CNNM4: variants seen among roughly 807,000 people sequenced by gnomAD.
CNNM4 encodes cyclin and CBS domain divalent metal cation transport mediator 4.
In CNNM4, 32 loss-of-function variants were observed where a neutral mutation model predicts 53.7. The observed-to-expected ratio is 0.60, with a 90% CI of 0.45 to 0.80. CNNM4 has a LOEUF of 0.80. Among genes scored for constraint, CNNM4 ranks in the 30% least tolerant of loss-of-function variants. The probability of loss-of-function intolerance (pLI) is 0.00; values close to 1 mark genes in which losing one functional copy is unlikely to be tolerated. For missense variants in CNNM4, 784 were observed against 1,022.0 expected, an observed-to-expected ratio of 0.77 and a Z score of 3.17; for synonymous variants, 410 against 440.0, an observed-to-expected ratio of 0.93 and a Z score of 0.85.
chr2:96,762,643 T>A (rs949334246), intron 1 of CNNM4, among the ~76,000 whole-genome samples: 6 of 152,050 alleles, frequency 3.9e-5, no homozygotes, highest in African/African-American at 1.4e-4. Context: ...ACATACTCGC[T>A]CCCTTGGAGG....
intron 1 of CNNM4, among the ~76,000 whole-genome samples, chr2:96,789,802 C>T (rs1375637821): frequency 6.6e-6 from 1 of 151,088 alleles, no homozygotes; most frequent in Non-Finnish European, 1.5e-5. Flanking sequence ...AAGTGATTCT[C>T]CTGCCTCAGC....
At chr2:96,770,280 C>A (rs2078857148) in intron 1 of CNNM4, among the ~76,000 whole-genome samples, 1 of 152,200 alleles carries the variant, frequency 6.6e-6, no homozygotes, top group African/African-American at 2.4e-5. Flanking sequence ...AATCCCGCTC[C>A]AGTGTTTTTC....
At chr2:96,765,797 C>CTT (rs749321221) in intron 1 of CNNM4, among the ~76,000 whole-genome samples, 5 of 125,384 alleles carry the variant, frequency 4.0e-5, no homozygotes, top group Non-Finnish European at 6.7e-5. Flanking sequence ...TTCTTTCTTT[C>CTT]TTTTTTTTTT....
chr2:96,766,596 G>A (rs540622581), intron 1 of CNNM4, among the ~76,000 whole-genome samples: 45 of 152,136 alleles, frequency 3.0e-4, no homozygotes, highest in African/African-American at 8.9e-4. Flanking sequence ...TTCTCTTCTC[G>A]TAGCACACAT....
intron 1 of CNNM4, among the ~76,000 whole-genome samples, chr2:96,765,796 T>C (rs1574050919): frequency 6.7e-6 from 1 of 150,372 alleles, no homozygotes; most frequent in African/African-American, 2.5e-5. Flanking sequence ...TTTCTTTCTT[T>C]CTTTTTTTTT....
chr2:96,771,249 C>T (rs1349562942), intron 1 of CNNM4, among the ~76,000 whole-genome samples: 1 of 151,814 alleles, frequency 6.6e-6, no homozygotes, highest in Non-Finnish European at 1.5e-5. Flanking sequence ...AGGCTAGAGC[C>T]TGGACTCCTT....
chr2:96,765,403 G>C (rs995107290), intron 1 of CNNM4, among the ~76,000 whole-genome samples: 1 of 151,856 alleles, frequency 6.6e-6, no homozygotes, highest in Admixed American at 6.6e-5. Flanking sequence ...TGGGATTACC[G>C]GTGTGAGCCA....
At chr2:96,785,237 CT>C (rs143072300) in intron 1 of CNNM4, among the ~76,000 whole-genome samples, 8,907 of 151,498 alleles carry the variant, frequency 0.059, 883 homozygotes, top group African/African-American at 0.2. Context: ...ATTTTAAAAC[CT>C]TTTTTTTTCT....
chr2:96,770,798 G>A (rs2153344880), intron 1 of CNNM4, among the ~76,000 whole-genome samples: 1 of 152,326 alleles, frequency 6.6e-6, no homozygotes, highest in Middle Eastern at 3.4e-3. Flanking sequence ...GTCCTGCACT[G>A]AGCGCTGGCT....
intron 1 of CNNM4, among the ~76,000 whole-genome samples, chr2:96,764,954 T>A (rs1219595821): frequency 7.4e-6 from 1 of 135,274 alleles, no homozygotes; most frequent in African/African-American, 2.7e-5. Context: ...ACCACTGCAC[T>A]CCAGCTTGGG....
intron 1 of CNNM4, among the ~76,000 whole-genome samples, chr2:96,795,773 C>T (rs2079098047): frequency 6.6e-6 from 1 of 152,178 alleles, no homozygotes. Flanking sequence ...TCCTAGGCTG[C>T]TCCAAACCTG....
Position 96,760,950 on chromosome 2 carries a change from G to T in CNNM4, c.-50G>T. On this transcript the variant is annotated 5_prime_UTR_variant, in exon 1 of 7. Transcript: ENST00000377075. ...GGCCGGAGCTGCGGTGCGGACCGGGGCCGCGCGGCGTGGCGCGGGGAGCGG... is the reference window on the plus strand; with the variant it reads ...GGCCGGAGCTGCGGTGCGGACCGGGTCCGCGCGGCGTGGCGCGGGGAGCGG... 1 of 952,088 alleles carries T rather than the reference G, an allele frequency of 1.1e-6. No individual in the cohort carries two copies. The highest frequency in any genetic ancestry group is 1.3e-6 in the Non-Finnish European group (1 of 799,044). The allele number at this position is 952,088 out of a possible 1,614,324, so 59.0% of individuals were successfully genotyped here. A position where few individuals can be genotyped will look rare whatever the true frequency, so the allele number is the denominator to read the frequency against.
intron 1 of CNNM4, among the ~76,000 whole-genome samples, chr2:96,794,789 C>T (rs2079089031): frequency 6.6e-6 from 1 of 152,160 alleles, no homozygotes; most frequent in Non-Finnish European, 1.5e-5. Context: ...TACCCTTTTA[C>T]CTGGCCACCA....
rs756132428 is a variant in CNNM4, at chr2:96,800,860, C to G, written c.1948+1212C>G. On this transcript the variant is annotated intron_variant, in intron 5 of 6. Transcript: ENST00000377075. The surrounding 1 kb of genome is among the most constrained non-coding windows in gnomAD (Gnocchi z 4.6). ...TGTGGCCAGAAGAGAGGGGAGATGA[C>G]TGGGCACACTCAGCCAGCTTCTGCC... Among the ~76,000 whole-genome samples, 2 of 147,468 alleles carry G rather than the reference C, an allele frequency of 1.4e-5. No homozygotes were observed. The highest frequency in any genetic ancestry group is 4.1e-4 in the South Asian group (2 of 4,830).
rs2078922566 is a variant in CNNM4 at position 96,776,164 on chromosome 2, G to A, written c.1402+13763G>A. ...CCGCCTCAGCCTCCCAAGTAGCTGG[G>A]ACCACAGGCCGCACACCACCACGCC... On this transcript the variant is annotated intron_variant, in intron 1 of 6. Transcript: ENST00000377075. 2.6e-5 allele frequency among the ~76,000 whole-genome samples: 4 copies of A among 151,716 alleles called. No individual in the cohort carries two copies. The South Asian group carries it at 8.3e-4, about 31-fold the overall frequency.
rs151020163 is a variant in CNNM4, at chr2:96,806,506, A to AACACACAC, written c.1949-2032_1949-2025dup. ...ACTCTTCTTCCTTCCCTAGCTATCC[A>AACACACAC]ACACACACACACACACACACACACA... On this transcript the variant is annotated intron_variant, in intron 5 of 6. Transcript: ENST00000377075. 1.6e-3 allele frequency among the ~76,000 whole-genome samples: 213 copies of AACACACAC among 135,424 alleles called. 1 individual carries two copies. The highest frequency in any genetic ancestry group is 5.5e-3 in the African/African-American group (196 of 35,552). The allele number at this position is 135,424 out of a possible 152,430, so 88.8% of individuals were successfully genotyped here.
At position 96,801,484 on chromosome 2, in the gene CNNM4, C is replaced by A. The variant is rs917092078; in HGVS notation, c.1948+1836C>A. The stretch of plus-strand genomic sequence containing the variant: ...ACCGCACACACAGAGAGAGACCACA[C>A]ACACACAGAGACCACACACAGAGAG... On this transcript the variant is annotated intron_variant, in intron 5 of 6. Coordinates refer to ENST00000377075, the MANE Select transcript of CNNM4 (RefSeq NM_020184.4). This position sits in a 1 kb window ranked among gnomAD's most constrained non-coding sequence, Gnocchi z 5.6. Among the ~76,000 whole-genome samples the A allele has an allele frequency of 2.0e-5, 3 of 151,874 alleles. No homozygotes were observed. The highest frequency in any genetic ancestry group is 4.4e-5 in the Non-Finnish European group (3 of 67,956).
intron 1 of CNNM4, among the ~76,000 whole-genome samples, chr2:96,791,228 A>G (rs1574073312): frequency 6.6e-6 from 1 of 152,064 alleles, no homozygotes; most frequent in African/African-American, 2.4e-5. Context: ...ATGGCCTCCC[A>G]AAGTGCTGGG....
chr2:96,765,024 G>GTTTTGTTTTTTTTGTT (rs2078801834), intron 1 of CNNM4, among the ~76,000 whole-genome samples: 1 of 41,518 alleles, frequency 2.4e-5, no homozygotes, highest in African/African-American at 8.8e-5. Flanking sequence ...GTTGGGAATG[G>GTTTTGTTTTTTTTGTT]TTTTTTTTTT....
Sources: allele counts gnomAD v4.1 joint callset (sites outside exome capture counted in the v4.1 genomes callset), GRCh38; gene constraint gnomAD v4.1.1; non-coding constraint Gnocchi (gnomAD v3.1); transcripts MANE v1.5; gene names NCBI Gene and HGNC (gene_info 2026-07-23, HGNC 2026-07-21).